Variants in COL25A1 observed in about 807,000 individuals in gnomAD.
COL25A1 encodes collagen alpha-1(XXV) chain.
A neutral mutation model predicts 128.4 loss-of-function variants in COL25A1; 103 were observed. That is an observed-to-expected ratio of 0.80 (90% confidence interval 0.68 to 0.94). The LOEUF (loss-of-function observed/expected upper bound fraction) is 0.94, where lower values mean the gene tolerates loss of function less well. Ranked by LOEUF, COL25A1 falls within the 40% of genes least tolerant of loss-of-function variation. The pLI, the probability that COL25A1 is intolerant of heterozygous loss-of-function variation, is 0.00. For synonymous variants in COL25A1, 279 were observed against 277.2 expected, an observed-to-expected ratio of 1.01 and a Z score of -0.06; for missense variants, 745 against 840.0, an observed-to-expected ratio of 0.89 and a Z score of 1.40.
chr4:108,950,985 G>C (rs1749355615), intron 8 of COL25A1, among the ~76,000 whole-genome samples: 1 of 152,226 alleles, frequency 6.6e-6, no homozygotes, highest in Admixed American at 6.5e-5. Context: ...GACACGTGAA[G>C]ATGATTAGGA....
chr4:108,990,065 T>TG, intron 6 of COL25A1, among the ~76,000 whole-genome samples: 1 of 151,086 alleles, frequency 6.6e-6, no homozygotes, highest in Non-Finnish European at 1.5e-5. Flanking sequence ...ATACCAAAAA[T>TG]TAGCCAGGTA....
chr4:109,050,082 C>A, intron 4 of COL25A1, 53 bp downstream of exon 4: 1 of 1,466,194 alleles, frequency 6.8e-7, no homozygotes, highest in South Asian at 1.2e-5. Context: ...AGAACAGATG[C>A]CGGAACTTAA....
chr4:109,045,320 C>A (rs1760325247), intron 5 of COL25A1, among the ~76,000 whole-genome samples: 1 of 152,008 alleles, frequency 6.6e-6, no homozygotes, highest in Non-Finnish European at 1.5e-5. Context: ...GTGCCTCTCA[C>A]CCCCACATTG....
At chr4:109,019,375 C>CACATATATATATAT (rs1338511772) in intron 5 of COL25A1, among the ~76,000 whole-genome samples, 8 of 48,870 alleles carry the variant, frequency 1.6e-4, no homozygotes, top group Non-Finnish European at 2.4e-4. Flanking sequence ...CACACACACA[C>CACATATATATATAT]ATATATATAT....
At chr4:109,246,040 A>T (rs1031860203) in intron 3 of COL25A1, among the ~76,000 whole-genome samples, 3 of 149,346 alleles carry the variant, frequency 2.0e-5, no homozygotes, top group Admixed American at 6.8e-5. Context: ...AAAAAAATTT[A>T]AAAAACATAA....
chr4:108,982,401 T>A (rs1753075793), intron 6 of COL25A1, among the ~76,000 whole-genome samples: 1 of 152,088 alleles, frequency 6.6e-6, no homozygotes, highest in Non-Finnish European at 1.5e-5. Context: ...ACTTTTATGA[T>A]TAAAATAGAC....
rs1280209515 is a variant in COL25A1, at chr4:108,821,936, T to C, written c.1845+2238A>G. Among the ~76,000 whole-genome samples the C allele has an allele frequency of 2.0e-5, 3 of 152,092 alleles. No homozygotes were observed. The East Asian group carries it at 5.8e-4, about 29-fold the overall frequency. Reference sequence around the variant, plus strand: ...AAGCTGAACATGGAAATATTTTGTATGGGTGATTAACATTATTCTGAGGAT... The same window carrying C: ...AAGCTGAACATGGAAATATTTTGTACGGGTGATTAACATTATTCTGAGGAT... On this transcript the variant is annotated intron_variant, in intron 35 of 37. Coordinates refer to ENST00000399132, the MANE Select transcript of COL25A1 (RefSeq NM_198721.4).
At chr4:109,009,175 T>G (rs1275415471) in intron 6 of COL25A1, among the ~76,000 whole-genome samples, 1 of 152,180 alleles carries the variant, frequency 6.6e-6, no homozygotes, top group African/African-American at 2.4e-5. Context: ...GCGAAGCATC[T>G]TTTACTTTGT....
In COL25A1 at chr4:108,991,127, A is replaced by G. The variant is rs559152702; in HGVS notation, c.439-16568T>C. Among the ~76,000 whole-genome samples, 8 of 152,348 alleles carry G rather than the reference A, an allele frequency of 5.3e-5. No individual in the cohort carries two copies. The East Asian group carries it at 1.5e-3, about 29-fold the overall frequency. On this transcript the variant is annotated intron_variant, in intron 6 of 37. Coordinates refer to ENST00000399132, the MANE Select transcript of COL25A1 (RefSeq NM_198721.4). ...CAGTAATGAGTAAATTCAGGGAGTG[A>G]TAACAGCTTCCACAGATGCAAAACA... is the stretch of plus-strand genomic sequence containing the variant.
At chr4:109,140,789 C>T (rs1264380453) in intron 3 of COL25A1, among the ~76,000 whole-genome samples, 1 of 152,150 alleles carries the variant, frequency 6.6e-6, no homozygotes, top group African/African-American at 2.4e-5. Context: ...ACTTTGTATC[C>T]TGAGACTTTG....
chr4:109,109,485 A>C (rs1220035131), intron 3 of COL25A1, among the ~76,000 whole-genome samples: 1 of 152,202 alleles, frequency 6.6e-6, no homozygotes, highest in Non-Finnish European at 1.5e-5. Flanking sequence ...TGCCCGCCAC[A>C]GCCTCCTAAA....
At chr4:108,840,811 T>C (rs1734357026) in intron 31 of COL25A1, among the ~76,000 whole-genome samples, 1 of 152,200 alleles carries the variant, frequency 6.6e-6, no homozygotes, top group African/African-American at 2.4e-5. Flanking sequence ...ACAGCTGTCT[T>C]CTGACATTTA....
intron 3 of COL25A1, among the ~76,000 whole-genome samples, chr4:109,259,463 T>C (rs2126253615): frequency 6.6e-6 from 1 of 152,350 alleles, no homozygotes. Context: ...AATAAGTCTG[T>C]AGACAGGAAC....
At chr4:109,063,656 C>G (rs1469184483) in intron 3 of COL25A1, among the ~76,000 whole-genome samples, 1 of 152,096 alleles carries the variant, frequency 6.6e-6, no homozygotes, top group Non-Finnish European at 1.5e-5. Context: ...CTGGGCAAAA[C>G]AGTGGGACCT....
intron 5 of COL25A1, among the ~76,000 whole-genome samples, chr4:109,042,273 A>T (rs1428470212): frequency 1.3e-5 from 2 of 152,130 alleles, no homozygotes; most frequent in Non-Finnish European, 2.9e-5. Context: ...TACAGAAGAC[A>T]TGAAAAGACA....
chr4:109,200,140 C>T (rs1406225602), intron 3 of COL25A1, among the ~76,000 whole-genome samples: 1 of 152,200 alleles, frequency 6.6e-6, no homozygotes, highest in African/African-American at 2.4e-5. Context: ...ATGGTAACTT[C>T]CTTCCATTAT....
intron 3 of COL25A1, among the ~76,000 whole-genome samples, chr4:109,075,933 C>G (rs892292705): frequency 6.6e-6 from 1 of 152,146 alleles, no homozygotes; most frequent in African/African-American, 2.4e-5. Context: ...CAACCAACCA[C>G]AGATAGAAAA....
chr4:108,834,180 G>A (rs548682781), intron 31 of COL25A1, among the ~76,000 whole-genome samples: 2 of 152,264 alleles, frequency 1.3e-5, no homozygotes, highest in Admixed American at 6.5e-5. Flanking sequence ...AGTTGCAACC[G>A]TCCTCTGTCC....
chr4:108,871,548 C>T (rs1578612090), intron 19 of COL25A1, among the ~76,000 whole-genome samples: 1 of 152,128 alleles, frequency 6.6e-6, no homozygotes, highest in East Asian at 1.9e-4. Context: ...GATCTCCTGA[C>T]CTCGTGATCC....
Sources: allele counts gnomAD v4.1 joint callset (sites outside exome capture counted in the v4.1 genomes callset), GRCh38; gene constraint gnomAD v4.1.1; transcripts MANE v1.5; gene names NCBI Gene and HGNC (gene_info 2026-07-23, HGNC 2026-07-21).